IMPACT: variants seen among roughly 807,000 people sequenced by gnomAD.
IMPACT encodes impact RWD domain protein.
IMPACT carries 35 observed loss-of-function variants against 47.5 expected under a neutral mutation model. The observed-to-expected ratio is 0.74, with a 90% CI of 0.56 to 0.98. The LOEUF (loss-of-function observed/expected upper bound fraction) is 0.98, where lower values mean the gene tolerates loss of function less well. Ranked by LOEUF, IMPACT falls within the 50% of genes least tolerant of loss-of-function variation. The probability of loss-of-function intolerance (pLI) is 0.00; values close to 1 mark genes in which losing one functional copy is unlikely to be tolerated. For synonymous variants in IMPACT, 118 were observed against 125.6 expected, an observed-to-expected ratio of 0.94 and a Z score of 0.40; for missense variants, 373 against 394.8, an observed-to-expected ratio of 0.94 and a Z score of 0.47.
At chr18:24,446,916 ATTAG>A (rs1568090075) in intron 8 of IMPACT, among the ~76,000 whole-genome samples, 1 of 152,216 alleles carries the variant, frequency 6.6e-6, no homozygotes, top group Admixed American at 6.5e-5. Context: ...ATTAACTCTT[ATTAG>A]TTAGCAATTC....
rs370012709 is a variant in IMPACT at position 24,449,862 on chromosome 18, A to T, written c.803A>T (p.Tyr268Phe). 6.2e-7 allele frequency: 1 copy of T among 1,613,078 alleles called. No individual in the cohort carries two copies. The highest frequency in any genetic ancestry group is 1.1e-5 in the South Asian group (1 of 91,036). ...GTCATGGTGGTAGTATCACGCTGGT[A>T]TGGAGGGATTCTGCTAGGACCAGAT... ...KNVMVVVSRW[Y>F]GGILLGPDRF... is the part of the protein sequence containing the mutation. The change falls in exon 10 of 11, where the codon TAT becomes TTT. Residue 268 changes from tyrosine (Y) to phenylalanine (F), a missense_variant. By Grantham distance (22) the Tyr-to-Phe change is conservative (BLOSUM62 3). Transcript: ENST00000284202.
At chr18:24,434,776 AATAT>A (rs1555666476) in intron 4 of IMPACT, among the ~76,000 whole-genome samples, 4 of 114,026 alleles carry the variant, frequency 3.5e-5, no homozygotes, top group African/African-American at 1.2e-4. Flanking sequence ...AAAAAAAAAA[AATAT>A]ATATATATAT....
chr18:24,426,731 G>A lies in IMPACT; in HGVS notation c.-26G>A, dbSNP rs1908616722. The A allele has an allele frequency of 7.2e-6, 9 of 1,245,546 alleles. No homozygotes were observed. In the East Asian group the frequency reaches 2.8e-4, roughly 39 times the overall value. The allele number at this position is 1,245,546 out of a possible 1,614,324, so 77.2% of individuals were successfully genotyped here. ...CCGCGCTCCGGACCTGGCAGGCGGC[G>A]GCTGCAGGGCAGGTCCAGGGGCCAC... On this transcript the variant is annotated 5_prime_UTR_variant, in exon 1 of 11. Transcript: ENST00000284202.
chr18:24,450,730 C>G (rs991402765), intron 10 of IMPACT, 49 bp from the exon 11 acceptor site: 2 of 1,196,784 alleles, frequency 1.7e-6, no homozygotes, highest in Non-Finnish European at 2.5e-6. Flanking sequence ...TTGAAGATTT[C>G]ATCTTTATGT....
chr18:24,450,134 G>T, intron 10 of IMPACT, among the ~76,000 whole-genome samples, 181 bp downstream of exon 10: 1 of 152,254 alleles, frequency 6.6e-6, no homozygotes, highest in South Asian at 2.1e-4. Flanking sequence ...ACTTTGGACC[G>T]ATCACTTAAT....
intron 3 of IMPACT, 24 bp downstream of exon 3, chr18:24,428,945 ATT>A: frequency 6.4e-7 from 1 of 1,551,808 alleles, no homozygotes; most frequent in Non-Finnish European, 8.9e-7. Context: ...CTACGTTTAT[ATT>A]GCTATAAAAA....
At chr18:24,436,529 T>C (rs1300407878) in intron 4 of IMPACT, among the ~76,000 whole-genome samples, 4 of 151,746 alleles carry the variant, frequency 2.6e-5, no homozygotes, top group Admixed American at 2.6e-4. Context: ...CTGCCACATC[T>C]GGCCTGTTTT....
rs1185738372 is a variant in IMPACT at position 24,449,971 on chromosome 18, C to T, written c.894+18C>T. 1.2e-6 allele frequency: 2 copies of T among 1,610,668 alleles called. No individual in the cohort carries two copies. The highest frequency in any genetic ancestry group is 1.7e-6 in the Non-Finnish European group (2 of 1,177,214). On this transcript the variant is annotated intron_variant, in intron 10 of 10. Coordinates refer to ENST00000284202, the MANE Select transcript of IMPACT (RefSeq NM_018439.4). Reference sequence around the variant, plus strand: ...ATTCACCTGTAAGTGGCTCTTCGTACTACATCTAGAGAATTTCTCATCACT... The same window carrying T: ...ATTCACCTGTAAGTGGCTCTTCGTATTACATCTAGAGAATTTCTCATCACT...
At chr18:24,442,150 C>CTTTT (rs397965432) in intron 6 of IMPACT, among the ~76,000 whole-genome samples, 6 of 116,450 alleles carry the variant, frequency 5.2e-5, no homozygotes, top group Non-Finnish European at 1.1e-4. Flanking sequence ...ATTAGTGATT[C>CTTTT]TTTTTTTTTT....
chr18:24,436,309 A>C (rs773119373), intron 4 of IMPACT, among the ~76,000 whole-genome samples: 1 of 151,888 alleles, frequency 6.6e-6, no homozygotes, highest in Non-Finnish European at 1.5e-5. Flanking sequence ...CAGTGGTGCA[A>C]TCATAGCTCA....
intron 4 of IMPACT, among the ~76,000 whole-genome samples, chr18:24,435,828 G>GT (rs1379610672): frequency 1.2e-4 from 18 of 146,502 alleles, no homozygotes; most frequent in African/African-American, 4.1e-4. Flanking sequence ...ATAGGTACCC[G>GT]TTGAAGTTAG....
intron 8 of IMPACT, among the ~76,000 whole-genome samples, chr18:24,446,264 C>T (rs1048556841): frequency 1.3e-5 from 2 of 152,134 alleles, no homozygotes; most frequent in Non-Finnish European, 2.9e-5. Flanking sequence ...CAGGGTTCTG[C>T]CATGTTGCCC....
rs1208054401 is a variant in IMPACT at position 24,452,057 on chromosome 18, G to T, written c.*1210G>T. 1 of 152,178 alleles carries T rather than the reference G, an allele frequency of 6.6e-6. No homozygotes were observed. The highest frequency in any genetic ancestry group is 1.5e-5 in the Non-Finnish European group (1 of 68,032). 9.4% of individuals were successfully genotyped at this position (152,178 alleles called of 1,614,324 possible). A position where few individuals can be genotyped will look rare whatever the true frequency, so the allele number is the denominator to read the frequency against. On this transcript the variant is annotated 3_prime_UTR_variant, in exon 11 of 11. Coordinates refer to ENST00000284202, the MANE Select transcript of IMPACT (RefSeq NM_018439.4). The stretch of plus-strand genomic sequence containing the variant: ...AAAGTTATTAACTGATCACAGATTT[G>T]CCTGGACTTCCCTTCCCAGGGAGGG...
At chr18:24,434,778 T>TAC (rs1908864303) in intron 4 of IMPACT, among the ~76,000 whole-genome samples, 1 of 85,718 alleles carries the variant, frequency 1.2e-5, no homozygotes, top group African/African-American at 5.4e-5. Context: ...AAAAAAAAAA[T>TAC]ATATATATAT....
At chr18:24,437,130 T>C (rs1908968673) in intron 4 of IMPACT, among the ~76,000 whole-genome samples, 1 of 152,172 alleles carries the variant, frequency 6.6e-6, no homozygotes, top group South Asian at 2.1e-4. Context: ...AGAGAGATAA[T>C]GGTTTCAAGG....
chr18:24,438,732 G>T (rs116237639), intron 5 of IMPACT, among the ~76,000 whole-genome samples: 1 of 152,182 alleles, frequency 6.6e-6, no homozygotes, highest in African/African-American at 2.4e-5. Context: ...CTCCCAAAGT[G>T]CTTGGATTAC....
intron 5 of IMPACT, 78 bp from the exon 6 acceptor site, chr18:24,440,418 C>T (rs1909070075): frequency 1.3e-6 from 2 of 1,496,510 alleles, no homozygotes; most frequent in Admixed American, 1.9e-5. Flanking sequence ...ATTTAGAACC[C>T]AAGACCCAGT....
intron 6 of IMPACT, among the ~76,000 whole-genome samples, chr18:24,441,705 A>T (rs1373159761): frequency 6.6e-6 from 1 of 152,116 alleles, no homozygotes; most frequent in East Asian, 1.9e-4. Flanking sequence ...AGGTGCTCTG[A>T]GTTTTAAGGC....
rs1201979292 is a variant in IMPACT, at chr18:24,453,497, T to A, written c.*2650T>A. 6.7e-6 allele frequency: 1 copy of A among 150,334 alleles called. No homozygotes were observed. Among genetic ancestry groups the A allele is most frequent in the Non-Finnish European group, 1.5e-5 (1 of 67,084 alleles). The allele number at this position is 150,334 out of a possible 1,614,324, so 9.3% of individuals were successfully genotyped here. On this transcript the variant is annotated 3_prime_UTR_variant, in exon 11 of 11. Transcript: ENST00000284202. ...TCATATAGAAGTATATTGTTAACATTTTCCATGTCAATAAATATTCTTCTA... is the reference window on the plus strand; with the variant it reads ...TCATATAGAAGTATATTGTTAACATATTCCATGTCAATAAATATTCTTCTA...
Sources: allele counts gnomAD v4.1 joint callset (sites outside exome capture counted in the v4.1 genomes callset), GRCh38; gene constraint gnomAD v4.1.1; transcripts MANE v1.5; gene names NCBI Gene and HGNC (gene_info 2026-07-23, HGNC 2026-07-21).